LPIN3: variants seen among roughly 807,000 people sequenced by gnomAD.
LPIN3 encodes the protein phosphatidate phosphatase LPIN3.
A neutral mutation model predicts 94.7 loss-of-function variants in LPIN3; 82 were observed. That is an observed-to-expected ratio of 0.87 (90% CI 0.72 to 1.04). The LOEUF (loss-of-function observed/expected upper bound fraction) is 1.04, where lower values mean the gene tolerates loss of function less well. LPIN3 is among the 50% of genes least tolerant of loss of function. LPIN3 has a pLI of 0.00. For missense variants in LPIN3, 996 were observed against 1,090.5 expected (o/e 0.91, Z 1.22); for synonymous variants, 418 against 443.3 (o/e 0.94, Z 0.72).
chr20:41,359,001 C>T lies in LPIN3; in HGVS notation c.*135C>T. 17 of 1,136,112 alleles carry T rather than the reference C, an allele frequency of 1.5e-5. No homozygotes were observed. In the South Asian group the frequency reaches 2.5e-4, roughly 17 times the overall value. 70.4% of individuals were successfully genotyped at this position (1,136,112 alleles called of 1,614,324 possible). ...AAGGAGGAGGCTGCAGGTTGGTTGG[C>T]AGCTAGAGAGACTCCCCCATCTTCC... is the stretch of plus-strand genomic sequence containing the variant. On this transcript the variant is annotated 3_prime_UTR_variant, in exon 20 of 20. Transcript: ENST00000373257.
At position 41,357,879 on chromosome 20, in the gene LPIN3, C is replaced by T; in HGVS notation, c.2040-3C>T. 6.2e-7 allele frequency: 1 copy of T among 1,614,078 alleles called. No individual in the cohort carries two copies. ...TCTATGCCACCCTGTCCCCCACTCT[C>T]AGAAATGGGTACAAGTTCCTGTACT... On this transcript the variant is annotated splice_region_variant and splice_polypyrimidine_tract_variant and intron_variant, in intron 16 of 19. Coordinates refer to ENST00000373257, the MANE Select transcript of LPIN3 (RefSeq NM_022896.3).
Position 41,357,199 on chromosome 20 carries a change from C to T in LPIN3, c.1952+11C>T, listed in dbSNP as rs2046238947. ...CGGCACCATCACCAAGTGAGGCCCA[C>T]CCAGCTGTGGGAAGGGGAGGGAGAG... On this transcript the variant is annotated intron_variant, in intron 15 of 19. Coordinates refer to ENST00000373257, the MANE Select transcript of LPIN3 (RefSeq NM_022896.3). 1.9e-6 allele frequency: 3 copies of T among 1,613,622 alleles called. No homozygotes were observed. The highest frequency in any genetic ancestry group is 1.7e-5 in the Admixed American group (1 of 60,006).
chr20:41,352,975 C>G, intron 11 of LPIN3, 108 bp downstream of exon 11: 1 of 1,246,572 alleles, frequency 8.0e-7, no homozygotes, highest in South Asian at 1.2e-5. Context: ...GCCTGGGAGC[C>G]AGGGGCTAGC....
chr20:41,345,619 G>A (rs890239071), intron 1 of LPIN3, among the ~76,000 whole-genome samples, 177 bp from the exon 2 acceptor site: 6 of 152,376 alleles, frequency 3.9e-5, no homozygotes, highest in African/African-American at 1.4e-4. Context: ...GGGCAAGCTG[G>A]GGTTAGACCC....
At chr20:41,350,012 G>C in intron 6 of LPIN3, 43 bp from the exon 7 acceptor site, 1 of 1,564,704 alleles carries the variant, frequency 6.4e-7, no homozygotes, top group Non-Finnish European at 8.7e-7. Flanking sequence ...TGGGGCATGG[G>C]CCTTACCCTG....
At chr20:41,346,633 C>T (rs1260163980) in intron 2 of LPIN3, among the ~76,000 whole-genome samples, 1 of 152,086 alleles carries the variant, frequency 6.6e-6, no homozygotes, top group Non-Finnish European at 1.5e-5. Context: ...CCCAGCCACT[C>T]CGGAGGCTGA....
At chr20:41,344,069 AAAAAG>A (rs557482033) in intron 1 of LPIN3, among the ~76,000 whole-genome samples, 29 of 152,088 alleles carry the variant, frequency 1.9e-4, no homozygotes, top group Non-Finnish European at 2.5e-4. Context: ...CTCAAAAAAA[AAAAAG>A]AAAAGAAAAG....
intron 13 of LPIN3, 25 bp downstream of exon 13, chr20:41,354,888 T>C (rs1037705077): frequency 3.2e-6 from 5 of 1,549,056 alleles, no homozygotes; most frequent in Non-Finnish European, 4.4e-6. Flanking sequence ...CTATTGGGGC[T>C]CTGCAGGGGG....
intron 17 of LPIN3, 82 bp downstream of exon 17, chr20:41,358,116 G>A (rs1052789045): frequency 3.2e-6 from 5 of 1,579,854 alleles, no homozygotes; most frequent in Non-Finnish European, 4.3e-6. Context: ...TAGCAGGCTG[G>A]CATTAAGCTC....
rs1236095914 is a variant in LPIN3, at chr20:41,357,936, C to T, written c.2094C>T (p.Leu698=). The T allele has an allele frequency of 5.6e-6, 9 of 1,613,982 alleles. No individual in the cohort carries two copies. In the African/African-American group the frequency reaches 1.2e-4, roughly 22 times the overall value. ...CGCGGGCCATTGGCATGGCGGACCT[C>T]ACCAAGGGGTACCTGCAGTGGGTGA... ...CSARAIGMAD[L]TKGYLQWVSE... The change falls in exon 17 of 20, where the codon CTC becomes CTT. Residue 698 remains leucine, a synonymous_variant. Transcript: ENST00000373257.
At position 41,349,834 on chromosome 20, in the gene LPIN3, G is replaced by A. The variant is rs760555941; in HGVS notation, c.699G>A (p.Pro233=). 77 of 1,613,472 alleles carry A rather than the reference G, an allele frequency of 4.8e-5. 2 individuals are homozygous for A. In the South Asian group the frequency reaches 6.9e-4, roughly 14 times the overall value. The stretch of plus-strand genomic sequence containing the variant: ...ACTCGGAGCTGGAGGTGCGGACCCC[G>A]GAGCCCAGTCCCCTAAGAGCCGAGT... The part of the protein sequence containing the change: ...KSDSELEVRT[P]EPSPLRAESH... The change falls in exon 6 of 20, where the codon CCG becomes CCA. Residue 233 remains proline (P), a synonymous_variant. Transcript: ENST00000373257.
At chr20:41,346,093 G>T (rs1236228905) in intron 2 of LPIN3, 98 bp downstream of exon 2, 11 of 1,258,898 alleles carry the variant, frequency 8.7e-6, no homozygotes, top group East Asian at 7.2e-5. Context: ...GCCTCCCTTA[G>T]GTGGGGATCT....
intron 13 of LPIN3, among the ~76,000 whole-genome samples, chr20:41,355,622 T>G (rs902133183): frequency 2.6e-5 from 4 of 152,190 alleles, no homozygotes; most frequent in African/African-American, 9.7e-5. Context: ...AGATACACTT[T>G]AGGTATTTCA....
intron 1 of LPIN3, among the ~76,000 whole-genome samples, chr20:41,345,200 C>A (rs1038329539): frequency 2.6e-5 from 4 of 152,222 alleles, no homozygotes; most frequent in African/African-American, 9.6e-5. Context: ...GCACAGTCAC[C>A]CATTATCCAG....
rs2046039829 is a variant in LPIN3 at position 41,352,125 on chromosome 20, A to G, written c.1268A>G (p.Asn423Ser). Residue 423 changes from asparagine (N) to serine (S), a missense_variant, in exon 9 of 20, where the codon AAC becomes AGC. Physicochemically the swap from Asn to Ser is conservative, Grantham distance 46. Coordinates refer to ENST00000373257, the MANE Select transcript of LPIN3 (RefSeq NM_022896.3). ...AGTCAGAAGTCCCTGAGGGACCCCA[A>G]CCCTGAACATGAACCTGAACCCACT... ...PSSQKSLRDP[N>S]PEHEPEPTLD... 4 of 1,614,210 alleles carry G rather than the reference A, an allele frequency of 2.5e-6. No individual in the cohort carries two copies. The highest frequency in any genetic ancestry group is 3.4e-6 in the Non-Finnish European group (4 of 1,180,046).
chr20:41,349,211 C>G (rs1434897473), intron 5 of LPIN3, 39 bp downstream of exon 5: 1 of 1,582,964 alleles, frequency 6.3e-7, no homozygotes, highest in Non-Finnish European at 8.7e-7. Flanking sequence ...GACTCCAGAT[C>G]AAGGTCTGAG....
intron 14 of LPIN3, 66 bp from the exon 15 acceptor site, chr20:41,356,974 A>C: frequency 6.3e-7 from 1 of 1,575,174 alleles, no homozygotes; most frequent in Non-Finnish European, 8.7e-7. Context: ...GCCACGGCGT[A>C]AGGGGAGAGG....
chr20:41,354,649 C>T lies in LPIN3; in HGVS notation c.1532C>T (p.Thr511Ile). 1 of 1,582,920 alleles carries T rather than the reference C, an allele frequency of 6.3e-7. No individual in the cohort carries two copies. The highest frequency in any genetic ancestry group is 8.6e-7 in the Non-Finnish European group (1 of 1,162,686). ...QAFQKNLPKS[T>I]MDKLEREKMP... Reference sequence around the variant, plus strand: ...ATGGCTTTCATCTGCCCACAGAGCACCATGGACAAGCTGGAGAGGGAGAAG... The same window carrying T: ...ATGGCTTTCATCTGCCCACAGAGCATCATGGACAAGCTGGAGAGGGAGAAG... The change falls in exon 12 of 20, where the codon ACC becomes ATC. Residue 511 changes from threonine to isoleucine, a missense_variant. By Grantham distance (89) the Thr-to-Ile change is moderately conservative. Coordinates refer to ENST00000373257, the MANE Select transcript of LPIN3 (RefSeq NM_022896.3).
Position 41,358,491 on chromosome 20 carries a change from T to C in LPIN3, c.2360T>C (p.Val787Ala). 1.2e-6 allele frequency: 2 copies of C among 1,614,046 alleles called. No individual in the cohort carries two copies. The highest frequency in any genetic ancestry group is 1.7e-6 in the Non-Finnish European group (2 of 1,179,998). ...CTGCCTGAGTCACGCATCTTCACAG[T>C]CAACCCCCGGGGAGAGCTCATCCAG... ...VGLPESRIFT[V>A]NPRGELIQEL... The change falls in exon 19 of 20, where the codon GTC becomes GCC. Residue 787 changes from valine to alanine, a missense_variant. Physicochemically the swap from Val to Ala is moderately conservative, Grantham distance 64 (BLOSUM62 0). Coordinates refer to ENST00000373257, the MANE Select transcript of LPIN3 (RefSeq NM_022896.3).
Sources: allele counts gnomAD v4.1 joint callset (sites outside exome capture counted in the v4.1 genomes callset), GRCh38; gene constraint gnomAD v4.1.1; transcripts MANE v1.5; gene names NCBI Gene and HGNC (gene_info 2026-07-23, HGNC 2026-07-21).